ADAM10: variants seen among roughly 807,000 people sequenced by gnomAD.
The protein encoded by ADAM10 is ADAM metallopeptidase domain 10.
A neutral mutation model predicts 90.1 loss-of-function variants in ADAM10; 17 were observed. The ratio of observed to expected loss-of-function variants is 0.19; its 90% CI spans 0.13 to 0.28. The LOEUF (loss-of-function observed/expected upper bound fraction) is 0.28, where lower values mean the gene tolerates loss of function less well. Ranked by LOEUF, ADAM10 falls within the 10% of genes least tolerant of loss-of-function variation. The pLI, the probability that ADAM10 is intolerant of heterozygous loss-of-function variation, is 1.00. For missense variants in ADAM10, 610 were observed against 914.3 expected, an observed-to-expected ratio of 0.67 and a Z score of 4.29; for synonymous variants, 310 against 298.6, an observed-to-expected ratio of 1.04 and a Z score of -0.40.
At chr15:58,616,824 T>A (rs1895628579) in intron 11 of ADAM10, among the ~76,000 whole-genome samples, 1 of 151,844 alleles carries the variant, frequency 6.6e-6, no homozygotes, top group South Asian at 2.1e-4. Context: ...ATACAAAGAA[T>A]CAGGCCAGGC....
intron 10 of ADAM10, among the ~76,000 whole-genome samples, chr15:58,622,538 T>C (rs944184443): frequency 6.6e-6 from 1 of 152,192 alleles, no homozygotes; most frequent in Non-Finnish European, 1.5e-5. Flanking sequence ...CTGATTGTAA[T>C]ACAATCAGTA....
rs2140979207 is a variant in ADAM10 at position 58,591,407 on chromosome 15, G to A, written c.*6140C>T. On this transcript the variant is annotated 3_prime_UTR_variant, in exon 16 of 16. Coordinates refer to ENST00000260408, the MANE Select transcript of ADAM10 (RefSeq NM_001110.4). ...AAACAGTAATGAATCAGCTTCTATA[G>A]GAATTTGATTCACATTTAAAACACT... 1 of 152,162 alleles carries A rather than the reference G, an allele frequency of 6.6e-6. No individual in the cohort carries two copies. Among genetic ancestry groups the A allele is most frequent in the South Asian group, 2.1e-4 (1 of 4,826 alleles). 9.4% of individuals were successfully genotyped at this position (152,162 alleles called of 1,614,324 possible).
chr15:58,668,498 G>C (rs183309029), intron 4 of ADAM10, among the ~76,000 whole-genome samples: 1 of 152,116 alleles, frequency 6.6e-6, no homozygotes, highest in Admixed American at 6.5e-5. Flanking sequence ...GTTGCAGCCA[G>C]AGTAATAGGG....
In ADAM10 at chr15:58,680,240, C is replaced by T. The variant is rs183500814; in HGVS notation, c.326-958G>A. 4.7e-3 allele frequency among the ~76,000 whole-genome samples: 708 copies of T among 151,976 alleles called. 3 individuals are homozygous for T. The highest frequency in any genetic ancestry group is 7.3e-3 in the Non-Finnish European group (498 of 67,902). ...TGGGCTCAGGCACTCCTCCCACCTCCGCCTCCCTAGTAGCTGGGACTACAA... is the reference window on the plus strand; with the variant it reads ...TGGGCTCAGGCACTCCTCCCACCTCTGCCTCCCTAGTAGCTGGGACTACAA... On this transcript the variant is annotated intron_variant, in intron 3 of 15. Transcript: ENST00000260408.
In ADAM10 at chr15:58,749,566, C is replaced by T. The variant is rs1899912949; in HGVS notation, c.-32G>A. ...CTGCCGCTGCCGCCGCCGCCGCCTC[C>T]TCACGGGTTAACAGCAGCACATCGA... On this transcript the variant is annotated 5_prime_UTR_variant, in exon 1 of 16. Coordinates refer to ENST00000260408, the MANE Select transcript of ADAM10 (RefSeq NM_001110.4). The T allele has an allele frequency of 3.2e-6, 5 of 1,549,304 alleles. No individual in the cohort carries two copies. The highest frequency in any genetic ancestry group is 4.4e-6 in the Non-Finnish European group (5 of 1,145,804).
intron 9 of ADAM10, among the ~76,000 whole-genome samples, chr15:58,628,957 G>C (rs1438819064): frequency 6.6e-6 from 1 of 152,084 alleles, no homozygotes; most frequent in Non-Finnish European, 1.5e-5. Flanking sequence ...CCTTTCTTCT[G>C]AATCTAGATG....
rs114584218 is a variant in ADAM10, at chr15:58,598,113, A to T, written c.2153-472T>A. On this transcript the variant is annotated intron_variant, in intron 15 of 15. Coordinates refer to ENST00000260408, the MANE Select transcript of ADAM10 (RefSeq NM_001110.4). ...GCAAATGCCTTAACCTGAGACTCAG[A>T]TGCCTACACTGTAAAACAAGGATGA... Among the ~76,000 whole-genome samples the T allele has an allele frequency of 8.7e-3, 1,327 of 152,320 alleles. 26 individuals carry two copies. The highest frequency in any genetic ancestry group is 0.031 in the African/African-American group (1,271 of 41,574).
rs771654980 is a variant in ADAM10 at position 58,659,079 on chromosome 15, C to G, written c.585+6018G>C. Among the ~76,000 whole-genome samples the G allele has an allele frequency of 4.1e-4, 62 of 152,034 alleles. 1 individual carries two copies. The highest frequency in any genetic ancestry group is 5.4e-4 in the Non-Finnish European group (37 of 68,016). ...CATGAGTTCAAAAGTTCAAGACCAG[C>G]CTGACCAACATGGTGAAACCCCATC... On this transcript the variant is annotated intron_variant, in intron 5 of 15. Coordinates refer to ENST00000260408, the MANE Select transcript of ADAM10 (RefSeq NM_001110.4).
intron 3 of ADAM10, among the ~76,000 whole-genome samples, chr15:58,681,569 A>C (rs1897443165): frequency 6.6e-6 from 1 of 152,208 alleles, no homozygotes; most frequent in Admixed American, 6.5e-5. Flanking sequence ...GCCTCTCTCC[A>C]ACACCCCCAG....
chr15:58,729,831 A>G (rs1214353364), intron 1 of ADAM10, among the ~76,000 whole-genome samples: 1 of 152,004 alleles, frequency 6.6e-6, no homozygotes, highest in Non-Finnish European at 1.5e-5. Flanking sequence ...GAGTGGTGGC[A>G]CACCCCTGTA....
intron 10 of ADAM10, among the ~76,000 whole-genome samples, chr15:58,622,211 A>C (rs1481673063): frequency 6.6e-6 from 1 of 152,164 alleles, no homozygotes; most frequent in Non-Finnish European, 1.5e-5. Context: ...CTATGACATA[A>C]AGTTTTTTTC....
intron 2 of ADAM10, chr15:58,692,600 C>T (rs1361260062): frequency 1.8e-6 from 1 of 556,956 alleles, no homozygotes; most frequent in Middle Eastern, 3.0e-4. Context: ...TTCTTCACTA[C>T]TTCTTTGACC....
chr15:58,686,254 A>C (rs2140762064), intron 2 of ADAM10, among the ~76,000 whole-genome samples: 1 of 152,370 alleles, frequency 6.6e-6, no homozygotes, highest in South Asian at 2.1e-4. Flanking sequence ...GTTGTGATCA[A>C]GCACAGAAGA....
chr15:58,597,498 G>A lies in ADAM10; in HGVS notation c.*49C>T. 6.2e-7 allele frequency: 1 copy of A among 1,613,794 alleles called. No homozygotes were observed. The highest frequency in any genetic ancestry group is 8.5e-7 in the Non-Finnish European group (1 of 1,179,884). The stretch of plus-strand genomic sequence containing the variant: ...GACTTAATAGGTTTCTCTTTGGAGT[G>A]AAGTTTTCCCATTGTAGGCACTAGG... On this transcript the variant is annotated 3_prime_UTR_variant, in exon 16 of 16. Coordinates refer to ENST00000260408, the MANE Select transcript of ADAM10 (RefSeq NM_001110.4).
rs182675774 is a variant in ADAM10 at position 58,671,719 on chromosome 15, T to C, written c.485-6522A>G. Among the ~76,000 whole-genome samples the C allele has an allele frequency of 7.2e-4, 109 of 152,270 alleles. 1 individual carries two copies. Among genetic ancestry groups the C allele is most frequent in the Admixed American group, 6.4e-3 (98 of 15,296 alleles). On this transcript the variant is annotated intron_variant, in intron 4 of 15. Coordinates refer to ENST00000260408, the MANE Select transcript of ADAM10 (RefSeq NM_001110.4). The stretch of plus-strand genomic sequence containing the variant: ...GAGACCTCGTCTCTATTAATAAATA[T>C]ATATATTTTTTAAAGTGAGCCTAAA...
chr15:58,646,283 A>C, intron 5 of ADAM10, 79 bp from the exon 6 acceptor site: 1 of 1,396,402 alleles, frequency 7.2e-7, no homozygotes, highest in Non-Finnish European at 9.8e-7. Flanking sequence ...ACATACTATA[A>C]ACAATTTCAT....
intron 2 of ADAM10, among the ~76,000 whole-genome samples, chr15:58,707,842 C>T (rs183476546): frequency 2.6e-5 from 4 of 152,094 alleles, no homozygotes; most frequent in Admixed American, 6.5e-5. Context: ...TTTGGGAGCC[C>T]GAGGCAGGTG....
intron 1 of ADAM10, among the ~76,000 whole-genome samples, chr15:58,718,412 T>C (rs1898734358): frequency 6.6e-6 from 1 of 152,210 alleles, no homozygotes; most frequent in African/African-American, 2.4e-5. Context: ...GTGTTCAGGG[T>C]ATATACCGGC....
At chr15:58,635,656 C>T (rs1435904635) in intron 8 of ADAM10, among the ~76,000 whole-genome samples, 1 of 152,002 alleles carries the variant, frequency 6.6e-6, no homozygotes, top group African/African-American at 2.4e-5. Flanking sequence ...TTATTGTACA[C>T]ACAGCATAGT....
Sources: gnomAD v4.1 joint callset for allele counts (sites outside exome capture counted in the v4.1 genomes callset) on GRCh38, gnomAD v4.1.1 for gene constraint, MANE v1.5 for transcripts, NCBI Gene and HGNC (gene_info 2026-07-23, HGNC 2026-07-21) for gene names.